CEP120: variants seen among roughly 807,000 people sequenced by gnomAD.
The protein encoded by CEP120 is centrosomal protein 120.
A neutral mutation model predicts 126.5 loss-of-function variants in CEP120; 113 were observed. The observed-to-expected ratio is 0.89, with a 90% confidence interval of 0.77 to 1.04. The LOEUF is 1.04. CEP120 is among the 50% of genes least tolerant of loss of function. CEP120 has a pLI of 0.00. For missense variants in CEP120, 1,230 were observed against 1,155.7 expected, an observed-to-expected ratio of 1.06 and a Z score of -0.93; for synonymous variants, 400 against 394.3, an observed-to-expected ratio of 1.01 and a Z score of -0.17.
intron 17 of CEP120, among the ~76,000 whole-genome samples, chr5:123,367,955 G>C (rs1178139694): frequency 1.3e-5 from 2 of 151,608 alleles, no homozygotes; most frequent in African/African-American, 4.8e-5. Context: ...CCCTCTTCTG[G>C]CTCCAAAAAG....
At chr5:123,399,780 G>A (rs541685221) in intron 4 of CEP120, among the ~76,000 whole-genome samples, 1 of 152,294 alleles carries the variant, frequency 6.6e-6, no homozygotes, top group African/African-American at 2.4e-5. Context: ...GGCTGGATAA[G>A]CAGAGGCCAT....
intron 18 of CEP120, among the ~76,000 whole-genome samples, chr5:123,357,830 C>T (rs1419031463): frequency 6.6e-6 from 1 of 152,114 alleles, no homozygotes; most frequent in Non-Finnish European, 1.5e-5. Context: ...CAATGTGACA[C>T]TACTTGGGGC....
intron 16 of CEP120, among the ~76,000 whole-genome samples, chr5:123,376,973 C>G (rs529381670): frequency 4.1e-4 from 63 of 152,072 alleles, no homozygotes; most frequent in Admixed American, 2.0e-4. Flanking sequence ...AGAGAAAATA[C>G]AAAAACAAGG....
intron 5 of CEP120, among the ~76,000 whole-genome samples, chr5:123,394,535 G>A (rs989897381): frequency 5.9e-5 from 9 of 152,096 alleles, no homozygotes; most frequent in Admixed American, 1.3e-4. Flanking sequence ...CTGTGTAGCC[G>A]GTTCCTAACA....
In CEP120 at chr5:123,400,274, T is replaced by C. The variant is rs111455025; in HGVS notation, c.464-990A>G. 5.9e-3 allele frequency among the ~76,000 whole-genome samples: 896 copies of C among 152,174 alleles called. 8 individuals carry two copies. The highest frequency in any genetic ancestry group is 0.02 in the African/African-American group (834 of 41,508). On this transcript the variant is annotated intron_variant, in intron 4 of 19. Coordinates refer to ENST00000306467, the MANE Select transcript of CEP120 (RefSeq NM_001375405.1). Reference sequence around the variant, plus strand: ...TTGTTGCACAGGGAACCCATATCCATCTCTTTTAGTCTCCATTTTTTTTTT... The same window carrying C: ...TTGTTGCACAGGGAACCCATATCCACCTCTTTTAGTCTCCATTTTTTTTTT...
chr5:123,407,027 C>T (rs748671928), intron 4 of CEP120, among the ~76,000 whole-genome samples: 6 of 149,712 alleles, frequency 4.0e-5, no homozygotes, highest in African/African-American at 7.4e-5. Flanking sequence ...GAAGCTGGAC[C>T]TTCAAAGTAA....
intron 7 of CEP120, 36 bp downstream of exon 7, chr5:123,391,074 G>A: frequency 6.6e-7 from 1 of 1,509,120 alleles, no homozygotes; most frequent in Non-Finnish European, 9.1e-7. Flanking sequence ...CATGGGACTA[G>A]TGAAGCCAGG....
chr5:123,400,121 CCTT>C (rs1258856343), intron 4 of CEP120, among the ~76,000 whole-genome samples: 1 of 152,162 alleles, frequency 6.6e-6, no homozygotes, highest in Non-Finnish European at 1.5e-5. Flanking sequence ...AACGAGCAAT[CCTT>C]CTTCTAGGAG....
chr5:123,347,961 G>A (rs989280170), intron 19 of CEP120, among the ~76,000 whole-genome samples: 2 of 152,090 alleles, frequency 1.3e-5, no homozygotes, highest in East Asian at 3.9e-4. Context: ...AGCTCTCTAG[G>A]TAGCTGATTT....
intron 15 of CEP120, 57 bp from the exon 16 acceptor site, chr5:123,377,592 C>T (rs971434654): frequency 5.3e-6 from 7 of 1,315,694 alleles, no homozygotes; most frequent in African/African-American, 3.0e-5. Flanking sequence ...TTATACTATT[C>T]GATATTCCAA....
intron 5 of CEP120, among the ~76,000 whole-genome samples, chr5:123,397,994 G>C (rs149159013): frequency 1.4e-4 from 21 of 152,258 alleles, no homozygotes; most frequent in African/African-American, 4.8e-4. Flanking sequence ...TGAGGCAGAA[G>C]GATCAACTGA....
At chr5:123,383,117 A>T (rs377459930) in intron 11 of CEP120, 35 bp from the exon 12 acceptor site, 1 of 1,175,240 alleles carries the variant, frequency 8.5e-7, no homozygotes, top group African/African-American at 1.6e-5. Flanking sequence ...TAAAATTCAC[A>T]GAAATACTTT....
intron 10 of CEP120, among the ~76,000 whole-genome samples, 198 bp downstream of exon 10, chr5:123,386,320 G>C (rs1397619373): frequency 2.6e-5 from 4 of 152,040 alleles, no homozygotes; most frequent in African/African-American, 7.2e-5. Context: ...AATCAAAAAA[G>C]AGCCTTTATA....
chr5:123,368,114 A>ATCAGAAGG (rs1457283756), intron 17 of CEP120, among the ~76,000 whole-genome samples: 29 of 151,934 alleles, frequency 1.9e-4, no homozygotes, highest in Non-Finnish European at 3.8e-4. Flanking sequence ...TTATACTTTT[A>ATCAGAAGG]ATATGTTTAA....
intron 16 of CEP120, among the ~76,000 whole-genome samples, chr5:123,373,226 A>G (rs1265606936): frequency 6.6e-6 from 1 of 152,034 alleles, no homozygotes; most frequent in African/African-American, 2.4e-5. Context: ...CTGCCAACCC[A>G]GGATTAGGCC....
At chr5:123,356,395 G>A (rs1018053899) in intron 18 of CEP120, among the ~76,000 whole-genome samples, 1 of 152,046 alleles carries the variant, frequency 6.6e-6, no homozygotes, top group Non-Finnish European at 1.5e-5. Flanking sequence ...TCGTGAAAAT[G>A]GCCATACTGC....
chr5:123,357,044 C>T (rs1453678229), intron 18 of CEP120, among the ~76,000 whole-genome samples: 2 of 152,052 alleles, frequency 1.3e-5, no homozygotes, highest in Admixed American at 6.6e-5. Flanking sequence ...AATGCTTTTA[C>T]TGGGTAACAA....
chr5:123,372,371 T>A (rs1770912211), intron 17 of CEP120, among the ~76,000 whole-genome samples: 1 of 152,102 alleles, frequency 6.6e-6, no homozygotes, highest in Non-Finnish European at 1.5e-5. Flanking sequence ...ATTCTGAAAC[T>A]ACTTCTTTAG....
intron 4 of CEP120, chr5:123,403,262 G>A (rs1257765611): frequency 2.2e-6 from 1 of 455,526 alleles, no homozygotes; most frequent in African/African-American, 2.0e-5. Flanking sequence ...TTACCGAAAG[G>A]AAGCAGGGCT....
Sources: gnomAD v4.1 joint callset for allele counts (sites outside exome capture counted in the v4.1 genomes callset) on GRCh38, gnomAD v4.1.1 for gene constraint, MANE v1.5 for transcripts, NCBI Gene and HGNC (gene_info 2026-07-23, HGNC 2026-07-21) for gene names.